The following PPP1R12B variants were observed in gnomAD, a reference collection of about 807,000 sequenced individuals.
PPP1R12B encodes myosin phosphatase target subunit 2.
Under a neutral mutation model 126.1 loss-of-function variants are expected in PPP1R12B, and 76 were observed. That is an observed-to-expected ratio of 0.60 (90% CI 0.50 to 0.73). The LOEUF is 0.73. Among genes scored for constraint, PPP1R12B ranks in the 30% least tolerant of loss-of-function variants. The pLI, the probability that PPP1R12B is intolerant of heterozygous loss-of-function variation, is 0.00. For synonymous variants in PPP1R12B, 356 were observed against 434.7 expected, an observed-to-expected ratio of 0.82 and a Z score of 2.25; for missense variants, 1,052 against 1,205.1, an observed-to-expected ratio of 0.87 and a Z score of 1.88.
intron 13 of PPP1R12B, among the ~76,000 whole-genome samples, chr1:202,477,522 C>G (rs181582175): frequency 1.6e-3 from 245 of 152,188 alleles, no homozygotes; most frequent in African/African-American, 5.6e-3. Flanking sequence ...AAAATATTCA[C>G]TGGTGATTTG....
intron 1 of PPP1R12B, among the ~76,000 whole-genome samples, chr1:202,378,247 CTTTTTTTTTTTTTT>C (rs386369339): frequency 1.1e-5 from 1 of 93,386 alleles, no homozygotes; most frequent in African/African-American, 4.2e-5. Context: ...TGTCTTCATT[CTTTTTTTTTTTTTT>C]TTTTTTTGGT....
At chr1:202,552,854 C>T (rs1686463615) in intron 18 of PPP1R12B, among the ~76,000 whole-genome samples, 1 of 152,156 alleles carries the variant, frequency 6.6e-6, no homozygotes, top group Non-Finnish European at 1.5e-5. Flanking sequence ...CTTTCCTGAG[C>T]CACAATTTTA....
At position 202,467,237 on chromosome 1, in the gene PPP1R12B, ATTATAC is replaced by A. The variant is rs1347521626; in HGVS notation, c.1850+18069_1850+18074del. 9.8e-4 allele frequency among the ~76,000 whole-genome samples: 140 copies of A among 143,566 alleles called. 2 individuals are homozygous for A. Among genetic ancestry groups the A allele is most frequent in the African/African-American group, 3.2e-3 (125 of 38,636 alleles). 94.2% of individuals were successfully genotyped at this position (143,566 alleles called of 152,430 possible). Reference sequence around the variant, plus strand: ...GTCTCTCTCTTTTTTTTTTTTTTTAATTATACTTTAAGTTTTAGGGTACATGTGCAG... The same window carrying A: ...GTCTCTCTCTTTTTTTTTTTTTTTAATTTAAGTTTTAGGGTACATGTGCAG... On this transcript the variant is annotated intron_variant, in intron 13 of 23. Transcript: ENST00000608999.
intron 18 of PPP1R12B, among the ~76,000 whole-genome samples, chr1:202,532,117 C>A (rs1173967275): frequency 6.6e-6 from 1 of 152,088 alleles, no homozygotes. Flanking sequence ...AGGGTTCCTC[C>A]CCATTTTAGA....
At position 202,567,834 on chromosome 1, in the gene PPP1R12B, A is replaced by G. The variant is rs535555399; in HGVS notation, c.2811+3A>G. On this transcript the variant is annotated splice_donor_region_variant and intron_variant, in intron 22 of 23. Transcript: ENST00000608999. ...CAGTGCTGGAGATGGAGAAACGGGT[A>G]TGCGCATGTCTGTTTCCCCCTCCAC... 7.3e-5 allele frequency: 117 copies of G among 1,612,432 alleles called. 3 individuals are homozygous for G. The South Asian group carries it at 1.3e-3, about 17-fold the overall frequency.
At chr1:202,391,064 C>CA (rs1664073119) in intron 1 of PPP1R12B, among the ~76,000 whole-genome samples, 1 of 151,384 alleles carries the variant, frequency 6.6e-6, no homozygotes, top group South Asian at 2.1e-4. Flanking sequence ...CCTTGTCCCC[C>CA]AAAAAAAGAA....
intron 4 of PPP1R12B, 126 bp downstream of exon 4, chr1:202,425,851 T>G: frequency 1.2e-6 from 1 of 865,452 alleles, no homozygotes; most frequent in Non-Finnish European, 1.8e-6. Context: ...CCTCTCTGAT[T>G]GTGCAGTCTT....
chr1:202,446,236 C>CTCTCTCTCTCTATATA (rs1491246158), intron 12 of PPP1R12B, among the ~76,000 whole-genome samples: 1 of 88,048 alleles, frequency 1.1e-5, no homozygotes, highest in South Asian at 5.7e-4. Flanking sequence ...CTCTCTCTCT[C>CTCTCTCTCTCTATATA]TATATATATA....
intron 1 of PPP1R12B, among the ~76,000 whole-genome samples, chr1:202,351,480 C>T (rs1655996171): frequency 6.6e-6 from 1 of 152,162 alleles, no homozygotes; most frequent in African/African-American, 2.4e-5. Context: ...CTCAAATGAT[C>T]TGCCTGCCTC....
chr1:202,577,387 T>C (rs1689185011), intron 23 of PPP1R12B: 1 of 152,222 alleles, frequency 6.6e-6, no homozygotes, highest in African/African-American at 2.4e-5. Flanking sequence ...TATTGTTATG[T>C]CTATGGGTGC....
chr1:202,562,590 C>G (rs920492849), intron 19 of PPP1R12B, 188 bp from the exon 20 acceptor site: 29 of 770,334 alleles, frequency 3.8e-5, no homozygotes, highest in Non-Finnish European at 6.6e-5. Context: ...CCTCTCCAAG[C>G]TCGTGCAGTT....
At chr1:202,536,765 T>C (rs1177754887) in intron 18 of PPP1R12B, among the ~76,000 whole-genome samples, 1 of 152,146 alleles carries the variant, frequency 6.6e-6, no homozygotes, top group African/African-American at 2.4e-5. Flanking sequence ...CTATAAGCTT[T>C]TATCTGTTTT....
intron 12 of PPP1R12B, among the ~76,000 whole-genome samples, chr1:202,443,352 C>T (rs1419195633): frequency 1.3e-5 from 2 of 152,230 alleles, no homozygotes; most frequent in African/African-American, 2.4e-5. Flanking sequence ...TAGCCTTCAT[C>T]ATTAGGTTTT....
chr1:202,532,677 T>A (rs962908122), intron 18 of PPP1R12B, among the ~76,000 whole-genome samples: 2 of 152,028 alleles, frequency 1.3e-5, no homozygotes, highest in African/African-American at 4.8e-5. Flanking sequence ...CTTAGAGTCC[T>A]CTGTAAAGAG....
chr1:202,575,392 A>G lies in PPP1R12B; in HGVS notation c.2863-5082A>G, dbSNP rs3767393. 6.8e-4 allele frequency: 301 copies of G among 445,916 alleles called. 1 individual carries two copies. The East Asian group carries it at 1.0e-2, about 15-fold the overall frequency. The allele number at this position is 445,916 out of a possible 1,614,324, so 27.6% of individuals were successfully genotyped here. A position where few individuals can be genotyped will look rare whatever the true frequency, so the allele number is the denominator to read the frequency against. ...AATATATTCATTTGGTAAGGTCACC[A>G]CATTAGCTTCTCTTCCCCTGGAGAC... On this transcript the variant is annotated intron_variant, in intron 23 of 23. Transcript: ENST00000608999.
intron 13 of PPP1R12B, among the ~76,000 whole-genome samples, chr1:202,459,928 A>G (rs1157778285): frequency 3.9e-5 from 6 of 152,236 alleles, no homozygotes; most frequent in Admixed American, 3.9e-4. Flanking sequence ...CTGATTTGAC[A>G]GGACAGAAAT....
chr1:202,428,851 C>T lies in PPP1R12B; in HGVS notation c.847-4C>T. The T allele has an allele frequency of 6.2e-7, 1 of 1,604,260 alleles. No homozygotes were observed. The highest frequency in any genetic ancestry group is 1.7e-5 in the Admixed American group (1 of 57,928). On this transcript the variant is annotated splice_region_variant and splice_polypyrimidine_tract_variant and intron_variant, in intron 5 of 23. Coordinates refer to ENST00000608999, the MANE Select transcript of PPP1R12B (RefSeq NM_002481.4). ...TCAGTCATGGTGCTCCTTTTCTCTG[C>T]CAGGGCCAGACACCATTTGATGTGG...
intron 2 of PPP1R12B, among the ~76,000 whole-genome samples, chr1:202,421,651 CA>C (rs113450515): frequency 0.024 from 3,286 of 138,778 alleles, 122 homozygotes; most frequent in African/African-American, 0.082. Context: ...AAAAAAAAAA[CA>C]AAAAAAAAAG....
rs56752885 is a variant in PPP1R12B, at chr1:202,555,325, GAAAAAAAAAAAA to G, written c.2491-3535_2491-3524del. Among the ~76,000 whole-genome samples the G allele has an allele frequency of 1.6e-3, 41 of 25,356 alleles. 1 individual carries two copies. The Middle Eastern group carries it at 0.094, about 58-fold the overall frequency. The allele number at this position is 25,356 out of a possible 152,430, so 16.6% of individuals were successfully genotyped here. A position where few individuals can be genotyped will look rare whatever the true frequency, so the allele number is the denominator to read the frequency against. ...AAAACCCTAATTTTCCTGTTTTAAT[GAAAAAAAAAAAA>G]AAAAAAAAAAAAAAAAGCTTGTTTC... is the stretch of plus-strand genomic sequence containing the variant. On this transcript the variant is annotated intron_variant, in intron 18 of 23. Coordinates refer to ENST00000608999, the MANE Select transcript of PPP1R12B (RefSeq NM_002481.4).
Sources: gnomAD v4.1 joint callset for allele counts (sites outside exome capture counted in the v4.1 genomes callset) on GRCh38, gnomAD v4.1.1 for gene constraint, MANE v1.5 for transcripts, NCBI Gene and HGNC (gene_info 2026-07-23, HGNC 2026-07-21) for gene names.